Variants in ADGRG1 observed in about 807,000 individuals in gnomAD.
The protein encoded by ADGRG1 is adhesion G protein-coupled receptor G1.
ADGRG1 carries 53 observed loss-of-function variants against 73.5 expected under a neutral mutation model. The observed-to-expected ratio is 0.72, with a 90% CI of 0.58 to 0.91. The LOEUF (loss-of-function observed/expected upper bound fraction) is 0.91. ADGRG1 is among the 40% of genes least tolerant of loss of function. The pLI is 0.00. For missense variants in ADGRG1, 795 were observed against 871.8 expected (o/e 0.91, Z 1.11); for synonymous variants, 394 against 374.4 (o/e 1.05, Z -0.60).
At chr16:57,625,164 C>T (rs34370121), upstream of ADGRG1, among the ~76,000 whole-genome samples, 3,260 of 152,198 alleles carry the variant, frequency 0.021, 102 homozygotes, top group East Asian at 0.16. Context: ...CTCTGGACTC[C>T]GTCGCCAGCC....
intron 3 of ADGRG1, chr16:57,652,171 A>G: frequency 1.0e-6 from 1 of 1,002,304 alleles, no homozygotes; most frequent in Non-Finnish European, 1.2e-6. Flanking sequence ...AAGGTCAGGA[A>G]AGCAGTGGGG....
chr16:57,644,512 GCACACACACTCAT>G, intron 1 of ADGRG1, among the ~76,000 whole-genome samples: 1 of 143,056 alleles, frequency 7.0e-6, no homozygotes, highest in East Asian at 2.2e-4. Context: ...TCATGCATGG[GCACACACACTCAT>G]CACACACATG....
chr16:57,655,342 T>C (rs1597547826), intron 5 of ADGRG1, 57 bp from the exon 6 acceptor site: 19 of 1,600,156 alleles, frequency 1.2e-5, no homozygotes, highest in Non-Finnish European at 1.6e-5. Flanking sequence ...TGTGCTAGGG[T>C]GGGGGGCACG....
At chr16:57,632,060 G>A (rs2038092692) in intron 1 of ADGRG1, 9 of 985,486 alleles carry the variant, frequency 9.1e-6, no homozygotes, top group Non-Finnish European at 8.4e-6. Flanking sequence ...CTCAGATTCT[G>A]CCAGGCCCTG....
At chr16:57,657,517 G>A (rs2046029266) in intron 10 of ADGRG1, 26 bp downstream of exon 10, 3 of 1,549,090 alleles carry the variant, frequency 1.9e-6, no homozygotes, top group Middle Eastern at 1.7e-4. Flanking sequence ...GGTGGGACAG[G>A]GGAGGGGACC....
chr16:57,663,094 A>G lies in ADGRG1; in HGVS notation c.1934-358A>G, dbSNP rs1417282595. On this transcript the variant is annotated intron_variant, in intron 13 of 13. Transcript: ENST00000562631. ...TAGTGCTATTAATTTGAGGGGTGCA[A>G]AATCTCACAGTGCTTAAGTGGGTGG... 3 of 984,318 alleles carry G rather than the reference A, an allele frequency of 3.0e-6. No homozygotes were observed. The African/African-American group carries it at 5.2e-5, about 17-fold the overall frequency. 61.0% of individuals were successfully genotyped at this position (984,318 alleles called of 1,614,324 possible). A position where few individuals can be genotyped will look rare whatever the true frequency, so the allele number is the denominator to read the frequency against.
At position 57,655,908 on chromosome 16, in the gene ADGRG1, G is replaced by A. The variant is rs770690109; in HGVS notation, c.933G>A (p.Lys311=). 1.2e-6 allele frequency: 2 copies of A among 1,614,068 alleles called. No individual in the cohort carries two copies. The highest frequency in any genetic ancestry group is 2.2e-5 in the East Asian group (1 of 44,888). ...DKNSSQVLGE[K]VLGIVVQNTK... ...ATTCCAGCCAAGTCCTGGGTGAGAA[G>A]GTCTTGGGGATTGTGGTACAGAACA... Residue 311 remains lysine (K), a synonymous_variant, in exon 7 of 14, where the codon AAG becomes AAA. Coordinates refer to ENST00000562631, the MANE Select transcript of ADGRG1 (RefSeq NM_201525.4).
chr16:57,651,966 G>A (rs1382575627), intron 3 of ADGRG1: 1 of 1,271,404 alleles, frequency 7.9e-7, no homozygotes, highest in East Asian at 3.9e-5. Context: ...ACTGGAAAGG[G>A]ACTGAAGATC....
chr16:57,656,026 C>A (rs1162917018), intron 7 of ADGRG1, 34 bp downstream of exon 7: 13 of 1,613,738 alleles, frequency 8.1e-6, no homozygotes, highest in Non-Finnish European at 1.1e-5. Flanking sequence ...AGAACAAGCG[C>A]CCCTCGGCCA....
At chr16:57,626,651 G>A (rs538673037), upstream of ADGRG1, 2 of 985,406 alleles carry the variant, frequency 2.0e-6, no homozygotes, top group African/African-American at 3.5e-5. Flanking sequence ...TCAGCCATCT[G>A]CAGAGAGAGT....
At chr16:57,645,633 G>A (rs1567727455) in intron 1 of ADGRG1, among the ~76,000 whole-genome samples, 1 of 152,126 alleles carries the variant, frequency 6.6e-6, no homozygotes, top group Non-Finnish European at 1.5e-5. Flanking sequence ...TGGTTCATAA[G>A]CCCGTGGTTC....
intron 5 of ADGRG1, chr16:57,655,144 C>T (rs1313599282): frequency 3.0e-6 from 3 of 985,280 alleles, no homozygotes; most frequent in African/African-American, 1.7e-5. Context: ...CCCCAGACAA[C>T]AGAACATCAT....
At chr16:57,648,900 C>T (rs3859051) in intron 1 of ADGRG1, among the ~76,000 whole-genome samples, 5,385 of 152,298 alleles carry the variant, frequency 0.035, 216 homozygotes, top group South Asian at 0.13. Flanking sequence ...CCCCTGGCCT[C>T]GGGAGCATTT....
chr16:57,662,727 CATG>C (rs1401810716), intron 13 of ADGRG1, among the ~76,000 whole-genome samples: 33 of 152,122 alleles, frequency 2.2e-4, no homozygotes, highest in African/African-American at 7.7e-4. Flanking sequence ...AGGGCAGGGT[CATG>C]ATGGCTCTGG....
intron 1 of ADGRG1, chr16:57,645,052 C>T: frequency 1.0e-6 from 1 of 984,170 alleles, no homozygotes; most frequent in Non-Finnish European, 1.2e-6. Context: ...CATACACACA[C>T]TCATGCACAC....
intron 5 of ADGRG1, among the ~76,000 whole-genome samples, chr16:57,654,409 A>AC (rs72461004): frequency 0.027 from 1,221 of 44,976 alleles, 77 homozygotes; most frequent in Non-Finnish European, 0.05. Context: ...CTGTCCACGC[A>AC]CCCCCCCCCC....
intron 1 of ADGRG1, chr16:57,644,116 C>T: frequency 1.4e-5 from 14 of 985,104 alleles, no homozygotes; most frequent in Non-Finnish European, 1.7e-5. Context: ...CCCCGCCCTC[C>T]CTGTCCCCTT....
rs777803292 is a variant in ADGRG1 at position 57,663,496 on chromosome 16, C to A, written c.1978C>A (p.Arg660=). The A allele has an allele frequency of 1.1e-5, 17 of 1,613,828 alleles. No individual in the cohort carries two copies. The highest frequency in any genetic ancestry group is 5.0e-5 in the Admixed American group (3 of 60,008). The part of the protein sequence containing the change: ...IWYWSMRLQA[R]GGPSPLKSNS... ...GTACTGGTCCATGCGGCTGCAGGCC[C>A]GGGGTGGCCCCTCCCCTCTGAAGAG... The change falls in exon 14 of 14, where the codon CGG becomes AGG. Residue 660 remains arginine (R), a synonymous_variant. Coordinates refer to ENST00000562631, the MANE Select transcript of ADGRG1 (RefSeq NM_201525.4).
intron 4 of ADGRG1, 32 bp downstream of exon 4, chr16:57,653,367 G>A: frequency 6.2e-7 from 1 of 1,602,726 alleles, no homozygotes. Flanking sequence ...GTGAGGGGAG[G>A]CAGGAAGGCA....
Sources: gnomAD v4.1 joint callset for allele counts (sites outside exome capture counted in the v4.1 genomes callset) on GRCh38, gnomAD v4.1.1 for gene constraint, MANE v1.5 for transcripts, NCBI Gene and HGNC (gene_info 2026-07-23, HGNC 2026-07-21) for gene names.